ATAD2B: variants seen among roughly 807,000 people sequenced by gnomAD.
The protein encoded by ATAD2B is ATPase family AAA domain-containing protein 2B.
A neutral mutation model predicts 167.6 loss-of-function variants in ATAD2B; 40 were observed. The observed-to-expected ratio is 0.24, with a 90% CI of 0.19 to 0.31. The LOEUF is 0.31. Among genes scored for constraint, ATAD2B ranks in the 10% least tolerant of loss-of-function variants. The pLI, the probability that ATAD2B is intolerant of heterozygous loss-of-function variation, is 1.00. For missense variants in ATAD2B, 1,242 were observed against 1,757.2 expected (o/e 0.71, Z 5.24); for synonymous variants, 579 against 596.5 (o/e 0.97, Z 0.43).
chr2:23,914,680 A>C (rs1702783121), intron 1 of ATAD2B, among the ~76,000 whole-genome samples: 1 of 149,428 alleles, frequency 6.7e-6, no homozygotes, highest in Admixed American at 6.7e-5. Context: ...TCTACTAAAA[A>C]TACCAAAAAA....
At chr2:23,888,017 T>C (rs201639036) in intron 3 of ATAD2B, 32 bp from the exon 4 acceptor site, 17 of 1,461,866 alleles carry the variant, frequency 1.2e-5, no homozygotes, top group Non-Finnish European at 1.5e-5. Context: ...CATTTCAAAG[T>C]ACAGAATACA....
intron 4 of ATAD2B, 122 bp from the exon 5 acceptor site, chr2:23,885,951 T>G (rs2150264370): frequency 1.7e-6 from 1 of 595,698 alleles, no homozygotes; most frequent in Non-Finnish European, 2.8e-6. Context: ...TTTTTTTCTT[T>G]TTTGTTTTTT....
the ATAD2B span, among the ~76,000 whole-genome samples, chr2:23,739,981 T>A: frequency 6.6e-6 from 1 of 151,884 alleles, no homozygotes; most frequent in Non-Finnish European, 1.5e-5. Flanking sequence ...GACACATACA[T>A]CCTCCCAAGA....
intron 1 of ATAD2B, among the ~76,000 whole-genome samples, chr2:23,903,210 T>C (rs950946249): frequency 1.3e-5 from 2 of 150,252 alleles, no homozygotes; most frequent in African/African-American, 2.4e-5. Context: ...CACTCCAGTC[T>C]GGGCAACAGA....
chr2:23,815,596 A>T (rs942440881), intron 17 of ATAD2B, among the ~76,000 whole-genome samples: 3 of 152,204 alleles, frequency 2.0e-5, no homozygotes, highest in South Asian at 4.1e-4. Flanking sequence ...AGAGATTTTT[A>T]AAAAATGAGA....
chr2:23,704,033 A>C, the ATAD2B span, among the ~76,000 whole-genome samples: 1 of 152,166 alleles, frequency 6.6e-6, no homozygotes, highest in East Asian at 1.9e-4. Context: ...AGTAGGGTGG[A>C]GCCCACGGCA....
the ATAD2B span, among the ~76,000 whole-genome samples, chr2:23,730,665 C>CAAAAAAAAAAAAAAAAAAAAA: frequency 3.1e-5 from 1 of 31,982 alleles, no homozygotes; most frequent in Non-Finnish European, 5.4e-5. Context: ...GACTCCGTTT[C>CAAAAAAAAAAAAAAAAAAAAA]AAAAAAAAAA....
chr2:23,896,066 C>A, intron 1 of ATAD2B, 96 bp from the exon 2 acceptor site: 1 of 1,044,160 alleles, frequency 9.6e-7, no homozygotes, highest in Non-Finnish European at 1.3e-6. Flanking sequence ...CCTGTAATCC[C>A]AGCACTTTGG....
At chr2:23,781,864 G>C (rs1013699557) in intron 22 of ATAD2B, among the ~76,000 whole-genome samples, 9 of 151,242 alleles carry the variant, frequency 6.0e-5, no homozygotes, top group Admixed American at 2.0e-4. Flanking sequence ...CCAGGCTGGA[G>C]TACAGTGGCA....
chr2:23,795,771 C>T (rs1682509830), intron 19 of ATAD2B, among the ~76,000 whole-genome samples: 1 of 151,308 alleles, frequency 6.6e-6, no homozygotes, highest in East Asian at 1.9e-4. Context: ...CCCAGCTACT[C>T]GGGAGGCTGA....
Position 23,857,519 on chromosome 2 carries a change from C to T in ATAD2B, c.1480-16G>A. On this transcript the variant is annotated splice_polypyrimidine_tract_variant and intron_variant, in intron 12 of 27. Coordinates refer to ENST00000238789, the MANE Select transcript of ATAD2B (RefSeq NM_017552.4). ...TCAAATATGCCTAGTAAGAAGAAAA[C>T]AAATAATATTTATTGTATTTGTTTT... is the stretch of plus-strand genomic sequence containing the variant. The T allele has an allele frequency of 8.7e-7, 1 of 1,149,520 alleles. No individual in the cohort carries two copies. The highest frequency in any genetic ancestry group is 1.2e-6 in the Non-Finnish European group (1 of 843,444). 71.2% of individuals were successfully genotyped at this position (1,149,520 alleles called of 1,614,324 possible). A position where few individuals can be genotyped will look rare whatever the true frequency, so the allele number is the denominator to read the frequency against.
chr2:23,857,113 G>T (rs1693551726), intron 13 of ATAD2B, among the ~76,000 whole-genome samples: 1 of 152,024 alleles, frequency 6.6e-6, no homozygotes, highest in Admixed American at 6.6e-5. Flanking sequence ...AACGCATTCG[G>T]TCTCTCTATC....
chr2:23,780,155 G>A (rs1679778088), intron 22 of ATAD2B, among the ~76,000 whole-genome samples: 1 of 152,028 alleles, frequency 6.6e-6, no homozygotes, highest in Non-Finnish European at 1.5e-5. Context: ...GGCTAGGGTG[G>A]GAGGATTGCT....
intron 12 of ATAD2B, among the ~76,000 whole-genome samples, chr2:23,861,939 GCCTATAATC>G (rs1694432572): frequency 6.6e-6 from 1 of 152,180 alleles, no homozygotes; most frequent in Admixed American, 6.5e-5. Flanking sequence ...AGAGGCTCAT[GCCTATAATC>G]CCAACACTTT....
intron 13 of ATAD2B, among the ~76,000 whole-genome samples, chr2:23,847,879 G>A (rs1221648958): frequency 6.6e-6 from 1 of 150,772 alleles, no homozygotes; most frequent in East Asian, 2.0e-4. Context: ...TGTAGCCCCA[G>A]CTACTCGGGA....
chr2:23,856,670 G>T lies in ATAD2B; in HGVS notation c.1568+745C>A, dbSNP rs928569965. On this transcript the variant is annotated intron_variant, in intron 13 of 27. Transcript: ENST00000238789. The stretch of plus-strand genomic sequence containing the variant: ...GAGGCCAGGAGTTCAAGACCAGCCT[G>T]GCCAATATGGCGAAACCCCATCTCT... Among the ~76,000 whole-genome samples the T allele has an allele frequency of 4.0e-5, 6 of 150,912 alleles. No homozygotes were observed. The South Asian group carries it at 1.3e-3, about 32-fold the overall frequency.
chr2:23,821,415 C>T (rs1572904933), intron 16 of ATAD2B, among the ~76,000 whole-genome samples: 2 of 152,158 alleles, frequency 1.3e-5, no homozygotes, highest in African/African-American at 4.8e-5. Flanking sequence ...AAAAAATACA[C>T]AAATCATGGC....
intron 24 of ATAD2B, among the ~76,000 whole-genome samples, chr2:23,759,198 T>A (rs1676328536): frequency 6.6e-6 from 1 of 152,124 alleles, no homozygotes; most frequent in Non-Finnish European, 1.5e-5. Flanking sequence ...AGTATCAGAA[T>A]AAAAATATTC....
At chr2:23,725,808 A>C in the ATAD2B span, among the ~76,000 whole-genome samples, 1 of 152,204 alleles carries the variant, frequency 6.6e-6, no homozygotes, top group African/African-American at 2.4e-5. Flanking sequence ...AATGTAAACC[A>C]CCTAACAACC....
Sources: allele counts gnomAD v4.1 joint callset (sites outside exome capture counted in the v4.1 genomes callset), GRCh38; gene constraint gnomAD v4.1.1; transcripts MANE v1.5; gene names NCBI Gene and HGNC (gene_info 2026-07-23, HGNC 2026-07-21).